The following POGLUT3 variants were observed in gnomAD, a reference collection of about 807,000 sequenced individuals.
POGLUT3 encodes the protein protein O-glucosyltransferase 3, also known as KDEL (Lys-Asp-Glu-Leu) containing 2.
In POGLUT3, 48 loss-of-function variants were observed where a neutral mutation model predicts 54.3. That is an observed-to-expected ratio of 0.88 (90% CI 0.70 to 1.12). The LOEUF is 1.12. Among genes scored for constraint, POGLUT3 ranks in the 50% most tolerant of loss-of-function variants. The probability of loss-of-function intolerance (pLI) is 0.00; values close to 1 mark genes in which losing one functional copy is unlikely to be tolerated. For synonymous variants in POGLUT3, 218 were observed against 237.4 expected (o/e 0.92, Z 0.75); for missense variants, 629 against 618.7 (o/e 1.02, Z -0.18).
In POGLUT3 at chr11:108,474,916, G is replaced by T. The variant is rs377123293; in HGVS notation, c.1435C>A (p.Arg479Ser). The change falls in exon 8 of 8, where the codon CGT becomes AGT. Residue 479 changes from arginine to serine, a missense_variant. By Grantham distance (110) the Arg-to-Ser change is moderately radical. Coordinates refer to ENST00000323468, the MANE Select transcript of POGLUT3 (RefSeq NM_153705.5). Reference protein sequence around the residue: ...AERQSSKPEVRDGMELVPQPE... With the variant: ...AERQSSKPEVSDGMELVPQPE... Reference sequence around the variant, plus strand: ...TGAGGAACAAGTTCCATTCCATCACGTACTTCGGGTTTGCTGGACTGGCGC... The same window carrying T: ...TGAGGAACAAGTTCCATTCCATCACTTACTTCGGGTTTGCTGGACTGGCGC... 2.5e-6 allele frequency: 4 copies of T among 1,613,920 alleles called. No individual in the cohort carries two copies. The highest frequency in any genetic ancestry group is 2.5e-6 in the Non-Finnish European group (3 of 1,179,904).
rs769824585 is a variant in POGLUT3, at chr11:108,481,390, G to C, written c.902-14C>G. On this transcript the variant is annotated splice_polypyrimidine_tract_variant and intron_variant, in intron 4 of 7. Coordinates refer to ENST00000323468, the MANE Select transcript of POGLUT3 (RefSeq NM_153705.5). ...TCCAGGAAGGCCCTACAAGTTTGAA[G>C]CCATAAAAAAATTAGGATTATGAAT... The C allele has an allele frequency of 1.9e-6, 3 of 1,543,252 alleles. No homozygotes were observed. In the African/African-American group the frequency reaches 4.2e-5, roughly 22 times the overall value.
Position 108,479,512 on chromosome 11 carries a change from A to G in POGLUT3, c.1099-17T>C, listed in dbSNP as rs1390018915. 2 of 1,562,242 alleles carry G rather than the reference A, an allele frequency of 1.3e-6. No homozygotes were observed. Among genetic ancestry groups the G allele is most frequent in the Non-Finnish European group, 1.7e-6 (2 of 1,155,566 alleles). ...ATACTTGTACTGGAAGATGAAAAAC[A>G]AACATAAACAAACTTTCAGTAGTCA... On this transcript the variant is annotated splice_polypyrimidine_tract_variant and intron_variant, in intron 5 of 7. Transcript: ENST00000323468.
intron 4 of POGLUT3, 135 bp from the exon 5 acceptor site, chr11:108,481,511 G>T: frequency 1.5e-6 from 1 of 663,666 alleles, no homozygotes; most frequent in South Asian, 4.1e-5. Context: ...TAAAGTAGAT[G>T]TTATTTCAAC....
Position 108,482,213 on chromosome 11 carries a change from G to T in POGLUT3, c.694C>A (p.Pro232Thr). 4 of 1,612,550 alleles carry T rather than the reference G, an allele frequency of 2.5e-6. No individual in the cohort carries two copies. The highest frequency in any genetic ancestry group is 3.4e-6 in the Non-Finnish European group (4 of 1,178,726). Residue 232 changes from proline to threonine, a missense_variant, in exon 4 of 8, where the codon CCA becomes ACA. Transcript: ENST00000323468. The part of the protein sequence containing the change: ...LLSLTRKVLL[P>T]DLEFYVNLGD... Reference sequence around the variant, plus strand: ...AGATTAACATAAAATTCTAAATCTGGGAGAAGGACCTAAATAAACATATAA... The same window carrying T: ...AGATTAACATAAAATTCTAAATCTGTGAGAAGGACCTAAATAAACATATAA...
intron 2 of POGLUT3, among the ~76,000 whole-genome samples, chr11:108,489,144 A>G (rs1490831371): frequency 6.6e-6 from 1 of 152,226 alleles, no homozygotes; most frequent in Non-Finnish European, 1.5e-5. Flanking sequence ...AGAAGAAAAG[A>G]GAACTTAGAG....
In POGLUT3 at chr11:108,498,161, C is replaced by G. The variant is rs770458462; in HGVS notation, c.202+4G>C. 2.0e-6 allele frequency: 3 copies of G among 1,509,462 alleles called. No individual in the cohort carries two copies. In the East Asian group the frequency reaches 8.6e-5, roughly 43 times the overall value. 93.5% of individuals were successfully genotyped at this position (1,509,462 alleles called of 1,614,324 possible). A position where few individuals can be genotyped will look rare whatever the true frequency, so the allele number is the denominator to read the frequency against. On this transcript the variant is annotated splice_donor_region_variant and intron_variant, in intron 1 of 7. Coordinates refer to ENST00000323468, the MANE Select transcript of POGLUT3 (RefSeq NM_153705.5). The stretch of plus-strand genomic sequence containing the variant: ...GACGAGGGAGGCCGGCGGCTGGACA[C>G]TACCTGCGGGAGAGCGAGTGAGGTT...
intron 1 of POGLUT3, among the ~76,000 whole-genome samples, chr11:108,497,630 C>T (rs2093624464): frequency 6.6e-6 from 1 of 152,222 alleles, no homozygotes. Context: ...TTCCCTAGTT[C>T]CTGTAATCTG....
intron 3 of POGLUT3, 123 bp downstream of exon 3, chr11:108,486,034 A>G: frequency 1.3e-6 from 1 of 745,668 alleles, no homozygotes; most frequent in South Asian, 1.9e-5. Flanking sequence ...CTCAGGTTGC[A>G]AATATCTTAG....
intron 2 of POGLUT3, among the ~76,000 whole-genome samples, chr11:108,489,228 C>T (rs992689315): frequency 6.6e-6 from 1 of 151,992 alleles, no homozygotes; most frequent in Non-Finnish European, 1.5e-5. Flanking sequence ...ATCGATGAAC[C>T]ACAGGATAGT....
intron 2 of POGLUT3, among the ~76,000 whole-genome samples, chr11:108,488,487 C>T (rs2093607641): frequency 6.6e-6 from 1 of 152,086 alleles, no homozygotes; most frequent in Non-Finnish European, 1.5e-5. Context: ...AGCCAGGCAG[C>T]CTCACTGAGT....
intron 2 of POGLUT3, among the ~76,000 whole-genome samples, chr11:108,488,574 C>A (rs780137551): frequency 2.0e-5 from 3 of 152,162 alleles, no homozygotes; most frequent in African/African-American, 7.2e-5. Flanking sequence ...AAAAAGGAAG[C>A]ACTGCACAGA....
At chr11:108,478,356 C>T (rs536753166) in intron 6 of POGLUT3, among the ~76,000 whole-genome samples, 1 of 152,256 alleles carries the variant, frequency 6.6e-6, no homozygotes, top group Non-Finnish European at 1.5e-5. Context: ...ATCTTGGTAC[C>T]TTCCTGGCCA....
intron 5 of POGLUT3, among the ~76,000 whole-genome samples, chr11:108,479,760 T>C (rs1017129535): frequency 1.3e-5 from 2 of 152,228 alleles, no homozygotes; most frequent in African/African-American, 2.4e-5. Flanking sequence ...ATTTCAATCA[T>C]GTCTCTGTAA....
chr11:108,482,518 T>G (rs913866237), intron 3 of POGLUT3, among the ~76,000 whole-genome samples: 1 of 151,786 alleles, frequency 6.6e-6, no homozygotes, highest in Non-Finnish European at 1.5e-5. Flanking sequence ...CTTTGGGAGG[T>G]TGAGGCGAGT....
At chr11:108,481,785 G>T (rs1424945825) in intron 4 of POGLUT3, among the ~76,000 whole-genome samples, 1 of 152,172 alleles carries the variant, frequency 6.6e-6, no homozygotes, top group Non-Finnish European at 1.5e-5. Context: ...TCCATTTTCT[G>T]TGTTTCACAA....
chr11:108,481,346 G>A lies in POGLUT3; in HGVS notation c.932C>T (p.Ala311Val), dbSNP rs1555182917. 7 of 1,588,064 alleles carry A rather than the reference G, an allele frequency of 4.4e-6. No homozygotes were observed. Among genetic ancestry groups the A allele is most frequent in the Non-Finnish European group, 6.0e-6 (7 of 1,172,994 alleles). Residue 311 changes from alanine (A) to valine (V), a missense_variant, in exon 5 of 8, where the codon GCT becomes GTT. Coordinates refer to ENST00000323468, the MANE Select transcript of POGLUT3 (RefSeq NM_153705.5). The part of the protein sequence containing the change: ...GPSWINKTER[A>V]FFRGRDSREE... Reference sequence around the variant, plus strand: ...TCGGCTGTCTCTACCTCTGAAGAAAGCTCTCTCTGTTTTATTGATCCAGGA... The same window carrying A: ...TCGGCTGTCTCTACCTCTGAAGAAAACTCTCTCTGTTTTATTGATCCAGGA...
At position 108,474,814 on chromosome 11, in the gene POGLUT3, A is replaced by T; in HGVS notation, c.*13T>A. 6.2e-7 allele frequency: 1 copy of T among 1,613,838 alleles called. No individual in the cohort carries two copies. ...TGTAGCCGGGATACACAGGAGTGTG[A>T]TTCTGGGCTGACTCAAAGTTCTTCT... On this transcript the variant is annotated 3_prime_UTR_variant, in exon 8 of 8. Coordinates refer to ENST00000323468, the MANE Select transcript of POGLUT3 (RefSeq NM_153705.5).
At chr11:108,497,985 C>T (rs918012440) in intron 1 of POGLUT3, among the ~76,000 whole-genome samples, 180 bp downstream of exon 1, 8 of 152,138 alleles carry the variant, frequency 5.3e-5, no homozygotes, top group Non-Finnish European at 1.0e-4. Context: ...CACAAACTTT[C>T]GTGGTGATTT....
intron 2 of POGLUT3, among the ~76,000 whole-genome samples, chr11:108,490,229 G>A (rs975866277): frequency 2.0e-5 from 3 of 151,814 alleles, no homozygotes; most frequent in Non-Finnish European, 2.9e-5. Context: ...ATGGAATCTC[G>A]CTCTGTCACC....
Sources: gnomAD v4.1 joint callset for allele counts (sites outside exome capture counted in the v4.1 genomes callset) on GRCh38, gnomAD v4.1.1 for gene constraint, MANE v1.5 for transcripts, NCBI Gene and HGNC (gene_info 2026-07-23, HGNC 2026-07-21) for gene names.